The following KALRN variants were observed in gnomAD, a reference collection of about 807,000 sequenced individuals.
KALRN encodes kalirin RhoGEF kinase, also known as kalirin.
In KALRN, 70 loss-of-function variants were observed where a neutral mutation model predicts 353.7. The observed-to-expected ratio is 0.20, with a 90% CI of 0.16 to 0.24. The LOEUF (loss-of-function observed/expected upper bound fraction) is 0.24, where lower values mean the gene tolerates loss of function less well. Among genes scored for constraint, KALRN ranks in the 10% least tolerant of loss-of-function variants. The probability of loss-of-function intolerance (pLI) is 1.00; values close to 1 mark genes in which losing one functional copy is unlikely to be tolerated. For synonymous variants in KALRN, 1,391 were observed against 1,434.8 expected, an observed-to-expected ratio of 0.97 and a Z score of 0.69; for missense variants, 2,791 against 3,756.7, an observed-to-expected ratio of 0.74 and a Z score of 6.72.
chr3:124,414,046 C>A (rs1169881832), intron 14 of KALRN, among the ~76,000 whole-genome samples: 1 of 151,784 alleles, frequency 6.6e-6, no homozygotes, highest in Non-Finnish European at 1.5e-5. Flanking sequence ...ATGGAGACTG[C>A]AGTGAGCTGA....
intron 1 of KALRN, among the ~76,000 whole-genome samples, chr3:124,167,514 C>G (rs201226459): frequency 6.6e-6 from 1 of 152,178 alleles, no homozygotes; most frequent in Non-Finnish European, 1.5e-5. Flanking sequence ...TTAGTGGCTT[C>G]TCTGTTTCTA....
chr3:124,500,044 A>G (rs1340346538), intron 33 of KALRN, among the ~76,000 whole-genome samples: 4 of 152,226 alleles, frequency 2.6e-5, no homozygotes, highest in Non-Finnish European at 5.9e-5. Flanking sequence ...CTGCAGAAGT[A>G]TTCTAACTAA....
intron 1 of KALRN, among the ~76,000 whole-genome samples, chr3:124,085,013 A>G (rs1255762908): frequency 1.3e-5 from 2 of 152,212 alleles, no homozygotes; most frequent in Non-Finnish European, 2.9e-5. Context: ...CGACACAGTC[A>G]CAGTCAGCTT....
At chr3:124,375,898 A>G (rs897086957) in intron 10 of KALRN, among the ~76,000 whole-genome samples, 5 of 152,242 alleles carry the variant, frequency 3.3e-5, no homozygotes, top group African/African-American at 9.6e-5. Context: ...ACCCCAGCAA[A>G]GAACAACTAC....
chr3:124,284,674 G>T (rs2075660801), intron 5 of KALRN, among the ~76,000 whole-genome samples: 1 of 152,150 alleles, frequency 6.6e-6, no homozygotes, highest in Admixed American at 6.5e-5. Flanking sequence ...CCAATGTCTG[G>T]AATACGAGTG....
rs2083942444 is a variant in KALRN, at chr3:124,655,732, G to A, written c.5862+65G>A. On this transcript the variant is annotated intron_variant, in intron 39 of 59. Coordinates refer to ENST00000682506, the MANE Select transcript of KALRN (RefSeq NM_001388419.1). Reference sequence around the variant, plus strand: ...CAGGAGCACGTTGGACCCTACCTAGGCCAAGGTGTTTTAATCTGATGGTTA... The same window carrying A: ...CAGGAGCACGTTGGACCCTACCTAGACCAAGGTGTTTTAATCTGATGGTTA... 6 of 1,164,568 alleles carry A rather than the reference G, an allele frequency of 5.2e-6. No individual in the cohort carries two copies. The Admixed American group carries it at 8.5e-5, about 16-fold the overall frequency. 72.1% of individuals were successfully genotyped at this position (1,164,568 alleles called of 1,614,324 possible).
intron 10 of KALRN, among the ~76,000 whole-genome samples, chr3:124,368,760 A>C (rs1044476313): frequency 1.3e-5 from 2 of 151,016 alleles, no homozygotes; most frequent in African/African-American, 2.4e-5. Context: ...ACTGCACTCC[A>C]GCCTGGGCAC....
chr3:124,253,988 C>CA (rs1158594043), intron 3 of KALRN, among the ~76,000 whole-genome samples: 1 of 152,144 alleles, frequency 6.6e-6, no homozygotes, highest in Non-Finnish European at 1.5e-5. Context: ...GGGAATCTGC[C>CA]AGACATTCAT....
At chr3:124,501,646 T>A (rs941264459) in intron 33 of KALRN, among the ~76,000 whole-genome samples, 1 of 152,096 alleles carries the variant, frequency 6.6e-6, no homozygotes, top group African/African-American at 2.4e-5. Flanking sequence ...ACCTGGTTCA[T>A]CAGAACTGAC....
At chr3:124,642,806 G>GTTTTTTTGTTGTTGTTTTTTT (rs1553707032) in intron 37 of KALRN, among the ~76,000 whole-genome samples, 2 of 96,840 alleles carry the variant, frequency 2.1e-5, no homozygotes, top group Non-Finnish European at 1.9e-5. Context: ...CCCAAGCCTC[G>GTTTTTTTGTTGTTGTTTTTTT]TTTTTTTTTT....
At chr3:124,681,895 G>T (rs564939718) in intron 51 of KALRN, among the ~76,000 whole-genome samples, 1 of 152,126 alleles carries the variant, frequency 6.6e-6, no homozygotes, top group Non-Finnish European at 1.5e-5. Context: ...CTCCCAAAGT[G>T]CTGGGATTAC....
intron 1 of KALRN, among the ~76,000 whole-genome samples, chr3:124,037,725 G>A (rs1341689245): frequency 6.6e-6 from 1 of 152,140 alleles, no homozygotes; most frequent in African/African-American, 2.4e-5. Context: ...CACATTTTTA[G>A]AGGTATAAGT....
At chr3:124,640,401 C>T (rs899746930) in intron 37 of KALRN, among the ~76,000 whole-genome samples, 1 of 151,600 alleles carries the variant, frequency 6.6e-6, no homozygotes, top group Non-Finnish European at 1.5e-5. Flanking sequence ...ATTCTCATGC[C>T]TCAGCCTCCT....
At position 124,215,857 on chromosome 3, in the gene KALRN, A is replaced by G. The variant is rs75939941; in HGVS notation, c.74-12133A>G. On this transcript the variant is annotated intron_variant, in intron 1 of 59. Transcript: ENST00000682506. Reference sequence around the variant, plus strand: ...GCCAGCCTCACTAGGAACACTCCAGAAACCTTATCCTGCCATTATCCAGGC... The same window carrying G: ...GCCAGCCTCACTAGGAACACTCCAGGAACCTTATCCTGCCATTATCCAGGC... Among the ~76,000 whole-genome samples the G allele has an allele frequency of 5.1e-4, 78 of 152,286 alleles. No homozygotes were observed. In the East Asian group the frequency reaches 0.015, roughly 29 times the overall value.
rs1208000252 is a variant in KALRN at position 124,722,583 on chromosome 3, A to G, written c.*3113A>G. The G allele has an allele frequency of 6.6e-6, 1 of 152,226 alleles. No homozygotes were observed. The highest frequency in any genetic ancestry group is 1.5e-5 in the Non-Finnish European group (1 of 68,056). The allele number at this position is 152,226 out of a possible 1,614,324, so 9.4% of individuals were successfully genotyped here. A position where few individuals can be genotyped will look rare whatever the true frequency, so the allele number is the denominator to read the frequency against. Reference sequence around the variant, plus strand: ...AAGAGTTCTCCACAGCAAGTTGGAAATAACAAGGAATCCCAGATGATGATG... The same window carrying G: ...AAGAGTTCTCCACAGCAAGTTGGAAGTAACAAGGAATCCCAGATGATGATG... On this transcript the variant is annotated 3_prime_UTR_variant, in exon 60 of 60. Transcript: ENST00000682506.
At chr3:124,638,735 C>T (rs371988390) in intron 37 of KALRN, among the ~76,000 whole-genome samples, 4 of 146,608 alleles carry the variant, frequency 2.7e-5, no homozygotes, top group East Asian at 4.2e-4. Context: ...TCCCTCTTGG[C>T]TACATAAGCA....
chr3:124,238,390 C>T (rs769073210), intron 3 of KALRN, among the ~76,000 whole-genome samples: 1 of 152,198 alleles, frequency 6.6e-6, no homozygotes, highest in Non-Finnish European at 1.5e-5. Flanking sequence ...CTGCTGCTGC[C>T]TCTGGAGAAA....
rs1351752894 is a variant in KALRN at position 124,227,686 on chromosome 3, T to G, written c.74-304T>G. Among the ~76,000 whole-genome samples, 330 of 125,008 alleles carry G rather than the reference T, an allele frequency of 2.6e-3. 7 individuals are homozygous for G. Among genetic ancestry groups the G allele is most frequent in the African/African-American group, 9.1e-3 (298 of 32,780 alleles). 82.0% of individuals were successfully genotyped at this position (125,008 alleles called of 152,430 possible). A position where few individuals can be genotyped will look rare whatever the true frequency, so the allele number is the denominator to read the frequency against. The stretch of plus-strand genomic sequence containing the variant: ...CTGTTTTTTTTTTTTTTTTTTTTTT[T>G]TTTTTTTTTTTTTTTTTTTGCCCCC... On this transcript the variant is annotated intron_variant, in intron 1 of 59. Coordinates refer to ENST00000682506, the MANE Select transcript of KALRN (RefSeq NM_001388419.1).
At chr3:124,442,960 G>T (rs1208987622) in intron 19 of KALRN, among the ~76,000 whole-genome samples, 1 of 151,896 alleles carries the variant, frequency 6.6e-6, no homozygotes, top group Non-Finnish European at 1.5e-5. Flanking sequence ...TCCAGCCTGG[G>T]CAATAGAGTG....
Sources: allele counts gnomAD v4.1 joint callset (sites outside exome capture counted in the v4.1 genomes callset), GRCh38; gene constraint gnomAD v4.1.1; transcripts MANE v1.5; gene names NCBI Gene and HGNC (gene_info 2026-07-23, HGNC 2026-07-21).